Variants in MDGA2 observed in about 807,000 individuals in gnomAD.
MDGA2 encodes the protein MAM domain containing glycosylphosphatidylinositol anchor 2.
MDGA2 carries 40 observed loss-of-function variants against 117.8 expected under a neutral mutation model. That is an observed-to-expected ratio of 0.34 (90% CI 0.26 to 0.44). The LOEUF is 0.44. Among genes scored for constraint, MDGA2 ranks in the 20% least tolerant of loss-of-function variants. MDGA2 has a pLI of 1.00. For missense variants in MDGA2, 1,123 were observed against 1,250.6 expected (o/e 0.90, Z 1.54); for synonymous variants, 452 against 439.0 (o/e 1.03, Z -0.37).
At chr14:47,370,598 A>T (rs1211661135) in intron 1 of MDGA2, among the ~76,000 whole-genome samples, 3 of 149,176 alleles carry the variant, frequency 2.0e-5, no homozygotes, top group Non-Finnish European at 4.4e-5. Context: ...AACAGTATCC[A>T]CATGTAAGAA....
chr14:47,469,521 T>A (rs4900769), intron 1 of MDGA2, among the ~76,000 whole-genome samples: 1 of 152,060 alleles, frequency 6.6e-6, no homozygotes. Context: ...CCATGGTGTA[T>A]ATGTGCCACA....
intron 1 of MDGA2, among the ~76,000 whole-genome samples, chr14:47,485,891 G>A (rs1222555403): frequency 1.3e-5 from 2 of 152,240 alleles, no homozygotes; most frequent in African/African-American, 4.8e-5. Context: ...ATCCCTGGAT[G>A]TCCAGGCAGA....
chr14:47,279,226 T>G (rs1456261753), intron 2 of MDGA2, among the ~76,000 whole-genome samples: 1 of 152,176 alleles, frequency 6.6e-6, no homozygotes, highest in South Asian at 2.1e-4. Context: ...TTTGAGGGTA[T>G]GCATACTGAT....
chr14:47,513,825 CAGTA>C (rs1461432362), intron 1 of MDGA2, among the ~76,000 whole-genome samples: 1 of 152,110 alleles, frequency 6.6e-6, no homozygotes, highest in Non-Finnish European at 1.5e-5. Context: ...TCTCCAAATT[CAGTA>C]AGTAACTCAC....
chr14:47,107,085 A>C (rs1432008189), intron 5 of MDGA2, among the ~76,000 whole-genome samples: 1 of 133,268 alleles, frequency 7.5e-6, no homozygotes, highest in African/African-American at 3.0e-5. Flanking sequence ...CACAAGTATA[A>C]GACACCTCTA....
At chr14:47,407,011 GGTATT>G (rs1892273919) in intron 1 of MDGA2, among the ~76,000 whole-genome samples, 1 of 151,214 alleles carries the variant, frequency 6.6e-6, no homozygotes, top group Non-Finnish European at 1.5e-5. Context: ...TTTCCTAAAA[GGTATT>G]GTATTATTTG....
At chr14:47,556,712 GTGCC>G (rs1402154292) in intron 1 of MDGA2, among the ~76,000 whole-genome samples, 7 of 152,310 alleles carry the variant, frequency 4.6e-5, no homozygotes, top group African/African-American at 1.7e-4. Context: ...AAAATGAAAA[GTGCC>G]TGGCATATAA....
At chr14:47,185,789 A>C (rs943737415) in intron 3 of MDGA2, among the ~76,000 whole-genome samples, 7 of 151,682 alleles carry the variant, frequency 4.6e-5, no homozygotes, top group Non-Finnish European at 1.0e-4. Flanking sequence ...AGCAAGCATC[A>C]TTCTTAATTG....
chr14:47,587,753 T>G (rs1896352468), intron 1 of MDGA2, among the ~76,000 whole-genome samples: 1 of 151,976 alleles, frequency 6.6e-6, no homozygotes, highest in African/African-American at 2.4e-5. Context: ...CACAATTTTG[T>G]GTACAATTCA....
intron 2 of MDGA2, among the ~76,000 whole-genome samples, chr14:47,275,053 G>A (rs922820450): frequency 1.3e-5 from 2 of 152,070 alleles, no homozygotes; most frequent in African/African-American, 4.8e-5. Flanking sequence ...CAGCACAAGC[G>A]TTTCTAATTT....
chr14:47,155,392 G>C (rs1883326498), intron 3 of MDGA2, among the ~76,000 whole-genome samples: 1 of 152,030 alleles, frequency 6.6e-6, no homozygotes, highest in African/African-American at 2.4e-5. Context: ...GAAGAGCCAT[G>C]GTCCTTCGGG....
chr14:47,158,744 G>A (rs1051639856), intron 3 of MDGA2, among the ~76,000 whole-genome samples: 2 of 152,060 alleles, frequency 1.3e-5, no homozygotes, highest in Admixed American at 6.6e-5. Context: ...CGTGAGCAAC[G>A]CCCAGCTAGC....
chr14:47,630,869 A>G (rs531885391), intron 1 of MDGA2, among the ~76,000 whole-genome samples: 4 of 152,302 alleles, frequency 2.6e-5, no homozygotes, highest in African/African-American at 7.2e-5. Flanking sequence ...TGTACTTCCT[A>G]TATTCCAGAG....
rs777715271 is a variant in MDGA2, at chr14:47,595,547, C to CAA, written c.280+78968_280+78969dup. Among the ~76,000 whole-genome samples, 79 of 69,010 alleles carry CAA rather than the reference C, an allele frequency of 1.1e-3. 4 individuals carry two copies. The highest frequency in any genetic ancestry group is 1.8e-3 in the African/African-American group (24 of 13,268). 45.3% of individuals were successfully genotyped at this position (69,010 alleles called of 152,430 possible). ...AACTCCTTCTAAAAAAACCAAAAAA[C>CAA]AAAAAAAAACAAAAAAAAAAAAAAC... On this transcript the variant is annotated intron_variant, in intron 1 of 16. Coordinates refer to ENST00000399232, the MANE Select transcript of MDGA2 (RefSeq NM_001113498.3).
intron 8 of MDGA2, among the ~76,000 whole-genome samples, chr14:47,001,721 T>C (rs1344270608): frequency 6.6e-6 from 1 of 152,128 alleles, no homozygotes; most frequent in African/African-American, 2.4e-5. Flanking sequence ...AACAAAATGA[T>C]GTATAATACT....
intron 5 of MDGA2, among the ~76,000 whole-genome samples, chr14:47,125,291 G>T (rs1408862223): frequency 6.6e-6 from 1 of 152,006 alleles, no homozygotes; most frequent in East Asian, 1.9e-4. Context: ...TTTGTTTCAT[G>T]CCCACAGCTA....
chr14:47,030,525 A>C (rs2138627648), intron 8 of MDGA2, among the ~76,000 whole-genome samples: 1 of 152,266 alleles, frequency 6.6e-6, no homozygotes, highest in Admixed American at 6.5e-5. Context: ...AGAAAAAAAA[A>C]GAGAAAAAAG....
At chr14:47,217,940 G>GT (rs1886158196) in intron 3 of MDGA2, 81 bp downstream of exon 3, 1 of 1,186,578 alleles carries the variant, frequency 8.4e-7, no homozygotes, top group Non-Finnish European at 1.1e-6. Flanking sequence ...GAACGCTATG[G>GT]TTTTTCAGAA....
chr14:46,895,920 G>A (rs568405556), intron 10 of MDGA2, among the ~76,000 whole-genome samples: 11 of 152,228 alleles, frequency 7.2e-5, no homozygotes, highest in Non-Finnish European at 1.5e-4. Flanking sequence ...TGCTTCTGGT[G>A]AGTACCGATT....
Sources: allele counts gnomAD v4.1 joint callset (sites outside exome capture counted in the v4.1 genomes callset), GRCh38; gene constraint gnomAD v4.1.1; transcripts MANE v1.5; gene names NCBI Gene and HGNC (gene_info 2026-07-23, HGNC 2026-07-21).